The following CREB5 variants were observed in gnomAD, a reference collection of about 807,000 sequenced individuals.
The protein encoded by CREB5 is cyclic AMP-responsive element-binding protein 5.
CREB5 carries 19 observed loss-of-function variants against 57.1 expected under a neutral mutation model. The observed-to-expected ratio is 0.33, with a 90% CI of 0.23 to 0.49. The LOEUF is 0.49. Ranked by LOEUF, CREB5 falls within the 20% of genes least tolerant of loss-of-function variation. CREB5 has a pLI of 0.99. For synonymous variants in CREB5, 238 were observed against 238.3 expected (o/e 1.00, Z 0.01); for missense variants, 579 against 671.6 (o/e 0.86, Z 1.52).
intron 1 of CREB5, among the ~76,000 whole-genome samples, chr7:28,413,257 A>C (rs1489765068): frequency 6.6e-6 from 1 of 152,108 alleles, no homozygotes; most frequent in Admixed American, 6.6e-5. Context: ...AATCACTTCA[A>C]TAAGTATTTA....
chr7:28,551,821 T>TTTTCTTTCTTTC (rs10625343), intron 4 of CREB5, among the ~76,000 whole-genome samples: 33 of 147,536 alleles, frequency 2.2e-4, no homozygotes, highest in African/African-American at 7.4e-4. Context: ...CCTCTATGAT[T>TTTTCTTTCTTTC]TTTCTTTCTT....
chr7:28,332,600 A>G (rs1785738152), intron 1 of CREB5, among the ~76,000 whole-genome samples: 1 of 151,962 alleles, frequency 6.6e-6, no homozygotes, highest in Non-Finnish European at 1.5e-5. Flanking sequence ...ACCCCCAGCA[A>G]CCTTCTCCTG....
At chr7:28,541,831 A>G (rs953919603) in intron 4 of CREB5, among the ~76,000 whole-genome samples, 3 of 152,156 alleles carry the variant, frequency 2.0e-5, no homozygotes, top group Non-Finnish European at 2.9e-5. Flanking sequence ...CCAGTTAACA[A>G]CTTTGTCTCA....
chr7:28,600,978 T>C (rs1234483617), intron 5 of CREB5, among the ~76,000 whole-genome samples: 3 of 152,162 alleles, frequency 2.0e-5, no homozygotes, highest in Admixed American at 6.6e-5. Context: ...ATGAGTTTCA[T>C]GTATTTTTCT....
chr7:28,823,229 AAAG>A lies in CREB5; in HGVS notation c.*3951_*3953del, dbSNP rs1433037442. The stretch of plus-strand genomic sequence containing the variant: ...AGAATGTGTTTCTTTCTGGTTAAAA[AAAG>A]GAAAAACCATCTAAGAAAATATATA... On this transcript the variant is annotated 3_prime_UTR_variant, in exon 11 of 11. Coordinates refer to ENST00000357727, the MANE Select transcript of CREB5 (RefSeq NM_182898.4). 7 of 152,660 alleles carry A rather than the reference AAAG, an allele frequency of 4.6e-5. No individual in the cohort carries two copies. The highest frequency in any genetic ancestry group is 8.8e-5 in the Non-Finnish European group (6 of 68,042). 9.5% of individuals were successfully genotyped at this position (152,660 alleles called of 1,614,324 possible). A position where few individuals can be genotyped will look rare whatever the true frequency, so the allele number is the denominator to read the frequency against.
intron 5 of CREB5, among the ~76,000 whole-genome samples, chr7:28,617,346 G>A (rs1168042069): frequency 6.6e-6 from 1 of 152,192 alleles, no homozygotes; most frequent in African/African-American, 2.4e-5. Flanking sequence ...AATGCACACA[G>A]GTCAGAAGTA....
At chr7:28,450,129 T>C (rs4722798) in intron 1 of CREB5, among the ~76,000 whole-genome samples, 41,805 of 152,194 alleles carry the variant, frequency 0.27, 5,876 homozygotes, top group South Asian at 0.36. Context: ...TTCTTTGTCT[T>C]TATTTATTTT....
chr7:28,524,209 G>C (rs1309239337), intron 4 of CREB5, among the ~76,000 whole-genome samples: 1 of 152,078 alleles, frequency 6.6e-6, no homozygotes, highest in Non-Finnish European at 1.5e-5. Flanking sequence ...GGGTGCAGTG[G>C]CTCATGCCTG....
Position 28,495,951 on chromosome 7 carries a change from G to T in CREB5, c.169+952G>T, listed in dbSNP as rs866583360. On this transcript the variant is annotated intron_variant, in intron 3 of 10. Transcript: ENST00000357727. Reference sequence around the variant, plus strand: ...GCTAATTGTGATTTATTCTAATTTTGAGAGGTAGTACGGCAAATTAGAAAA... The same window carrying T: ...GCTAATTGTGATTTATTCTAATTTTTAGAGGTAGTACGGCAAATTAGAAAA... 8.6e-5 allele frequency among the ~76,000 whole-genome samples: 13 copies of T among 151,398 alleles called. No individual in the cohort carries two copies. In the South Asian group the frequency reaches 1.2e-3, roughly 14 times the overall value.
Position 28,724,278 on chromosome 7 carries a change from C to T in CREB5, c.648C>T (p.Leu216=). The T allele has an allele frequency of 6.2e-7, 1 of 1,613,832 alleles. No homozygotes were observed. The highest frequency in any genetic ancestry group is 8.5e-7 in the Non-Finnish European group (1 of 1,179,864). ...SSIMGMQGPN[L]SNPCASPQVQ... is the part of the protein sequence containing the mutation. ...TCATGGGGATGCAAGGTCCAAATCT[C>T]AGCAACCCCTGTGCTTCTCCCCAGG... Residue 216 remains leucine, a synonymous_variant, in exon 7 of 11, where the codon CTC becomes CTT. Transcript: ENST00000357727.
chr7:28,529,114 T>G (rs1294447191), intron 4 of CREB5, among the ~76,000 whole-genome samples: 1 of 152,232 alleles, frequency 6.6e-6, no homozygotes, highest in Non-Finnish European at 1.5e-5. Flanking sequence ...ACTCTAAAGC[T>G]ATGACCTGGA....
At position 28,825,498 on chromosome 7, in the gene CREB5, T is replaced by C. The variant is rs1039420804; in HGVS notation, c.*6219T>C. ...AAAATATAATTAAAAGAAAAAAGTT[T>C]AGCACTGTGTAAAGTAAGTGTTAAC... is the stretch of plus-strand genomic sequence containing the variant. On this transcript the variant is annotated 3_prime_UTR_variant, in exon 11 of 11. Transcript: ENST00000357727. 6.6e-6 allele frequency: 1 copy of C among 152,632 alleles called. No homozygotes were observed. Among genetic ancestry groups the C allele is most frequent in the Non-Finnish European group, 1.5e-5 (1 of 68,026 alleles). The allele number at this position is 152,632 out of a possible 1,614,324, so 9.5% of individuals were successfully genotyped here. A position where few individuals can be genotyped will look rare whatever the true frequency, so the allele number is the denominator to read the frequency against.
intron 7 of CREB5, among the ~76,000 whole-genome samples, chr7:28,738,783 A>G (rs1804177465): frequency 1.3e-5 from 2 of 152,170 alleles, no homozygotes; most frequent in Admixed American, 6.5e-5. Context: ...ACCACCATTC[A>G]TCTCTTAGTT....
chr7:28,375,993 C>A (rs6970304), intron 1 of CREB5, among the ~76,000 whole-genome samples: 67,716 of 152,056 alleles, frequency 0.45, 17,282 homozygotes, highest in East Asian at 0.71. Flanking sequence ...GGAGCTTGAA[C>A]TCACGCAGTT....
chr7:28,517,561 T>A (rs1425884111), intron 4 of CREB5, among the ~76,000 whole-genome samples: 1 of 152,206 alleles, frequency 6.6e-6, no homozygotes, highest in Non-Finnish European at 1.5e-5. Context: ...AACGGTGGAT[T>A]TTCCCCCCTG....
In CREB5 at chr7:28,764,425, G is replaced by A. The variant is rs1805844457; in HGVS notation, c.703-39774G>A. On this transcript the variant is annotated intron_variant, in intron 7 of 10. Transcript: ENST00000357727. ...CCATTAGCCATTTGGGTTTTGGATG[G>A]CAAACACAACACTTTGCCAAGCTAT... is the stretch of plus-strand genomic sequence containing the variant. Among the ~76,000 whole-genome samples the A allele has an allele frequency of 7.3e-5, 11 of 151,668 alleles. No individual in the cohort carries two copies. In the South Asian group the frequency reaches 2.3e-3, roughly 32 times the overall value.
intron 1 of CREB5, among the ~76,000 whole-genome samples, chr7:28,335,304 A>G (rs1171298822): frequency 6.6e-6 from 1 of 152,114 alleles, no homozygotes; most frequent in South Asian, 2.1e-4. Context: ...CATTTTAACA[A>G]TATTGGTTCT....
chr7:28,343,004 A>G (rs1785966357), intron 1 of CREB5, among the ~76,000 whole-genome samples: 1 of 151,838 alleles, frequency 6.6e-6, no homozygotes, highest in Non-Finnish European at 1.5e-5. Context: ...GCAGTGGCAC[A>G]ATCTGGGCTC....
chr7:28,598,119 G>C (rs1297602083), intron 5 of CREB5, among the ~76,000 whole-genome samples: 1 of 152,126 alleles, frequency 6.6e-6, no homozygotes, highest in Non-Finnish European at 1.5e-5. Flanking sequence ...CACATGTTGT[G>C]GGAGGGACCC....
Sources: gnomAD v4.1 joint callset for allele counts (sites outside exome capture counted in the v4.1 genomes callset) on GRCh38, gnomAD v4.1.1 for gene constraint, MANE v1.5 for transcripts, NCBI Gene and HGNC (gene_info 2026-07-23, HGNC 2026-07-21) for gene names.